ZNF626: variants seen among roughly 807,000 people sequenced by gnomAD.
ZNF626 encodes CTC-513N18.7.
In ZNF626, 4 loss-of-function variants were observed where a neutral mutation model predicts 11.7. The observed-to-expected ratio is 0.34, with a 90% CI of 0.17 to 0.78. ZNF626 has a LOEUF of 0.78. ZNF626 is among the 30% of genes least tolerant of loss of function. The pLI is 0.57. For synonymous variants in ZNF626, 179 were observed against 198.6 expected (o/e 0.90, Z 0.83); for missense variants, 588 against 587.1 (o/e 1.00, Z -0.01).
chr19:20,646,973 G>A (rs1207836750), intron 1 of ZNF626, among the ~76,000 whole-genome samples: 1 of 152,070 alleles, frequency 6.6e-6, no homozygotes, highest in African/African-American at 2.4e-5. Context: ...TCTGCCTCCT[G>A]AGTAGCTGGG....
intron 1 of ZNF626, among the ~76,000 whole-genome samples, chr19:20,655,642 G>T (rs960824124): frequency 2.0e-5 from 3 of 151,580 alleles, no homozygotes; most frequent in Non-Finnish European, 4.4e-5. Context: ...GGGAATAGCG[G>T]CCAGGCACGG....
chr19:20,623,869 TTC>T lies in ZNF626; in HGVS notation c.*419_*420del. The T allele has an allele frequency of 3.0e-6, 1 of 330,120 alleles. No homozygotes were observed. Among genetic ancestry groups the T allele is most frequent in the Non-Finnish European group, 6.0e-6 (1 of 167,326 alleles). 20.4% of individuals were successfully genotyped at this position (330,120 alleles called of 1,614,324 possible). ...CATTCTTCACACTTGTAGGGTTTCT[TTC>T]CAGTATGAATTATGTGTAATAAAGG... is the stretch of plus-strand genomic sequence containing the variant. On this transcript the variant is annotated 3_prime_UTR_variant, in exon 4 of 4. Coordinates refer to ENST00000601440, the MANE Select transcript of ZNF626 (RefSeq NM_001076675.3).
chr19:20,652,968 C>T (rs1198755106), intron 1 of ZNF626, among the ~76,000 whole-genome samples: 3 of 152,136 alleles, frequency 2.0e-5, no homozygotes, highest in African/African-American at 7.2e-5. Flanking sequence ...ATAAAAGAGT[C>T]ACTGAAAGAG....
Position 20,621,160 on chromosome 19 carries a change from C to T in ZNF626, c.*3130G>A, listed in dbSNP as rs1357139007. 3 of 145,820 alleles carry T rather than the reference C, an allele frequency of 2.1e-5. No homozygotes were observed. The highest frequency in any genetic ancestry group is 3.0e-5 in the Non-Finnish European group (2 of 66,270). 9.0% of individuals were successfully genotyped at this position (145,820 alleles called of 1,614,324 possible). On this transcript the variant is annotated 3_prime_UTR_variant, in exon 4 of 4. Coordinates refer to ENST00000601440, the MANE Select transcript of ZNF626 (RefSeq NM_001076675.3). The stretch of plus-strand genomic sequence containing the variant: ...TTCTTTCTTTTTGAGATGGAGTGTC[C>T]GTCTGTCACCCAGGCTGGAGTGCAG...
Position 20,625,345 on chromosome 19 carries a change from A to G in ZNF626, c.532T>C (p.Cys178Arg). Residue 178 changes from cysteine to arginine, a missense_variant, in exon 4 of 4, where the codon TGT becomes CGT. Cys to Arg is a radical substitution (Grantham distance 180). This residue lies in a region of ZNF626 where 524 missense variants were observed against 470.1 expected (regional missense o/e 1.11). Transcript: ENST00000601440. ...TGKKPFKYIE[C>R]GKAFKQFSTL... ...GAGAACTGCTTAAAAGCTTTGCCAC[A>G]TTCTATATATTTGAAAGGTTTTTTC... 6.2e-7 allele frequency: 1 copy of G among 1,614,006 alleles called. No individual in the cohort carries two copies. The highest frequency in any genetic ancestry group is 8.5e-7 in the Non-Finnish European group (1 of 1,179,992).
At chr19:20,631,309 G>A (rs1320317129) in intron 3 of ZNF626, among the ~76,000 whole-genome samples, 2 of 152,064 alleles carry the variant, frequency 1.3e-5, no homozygotes, top group Non-Finnish European at 2.9e-5. Flanking sequence ...GCAGAGCTGA[G>A]TTCAATTCCT....
At chr19:20,658,091 C>A (rs1970224536) in intron 1 of ZNF626, among the ~76,000 whole-genome samples, 1 of 149,524 alleles carries the variant, frequency 6.7e-6, no homozygotes, top group Non-Finnish European at 1.5e-5. Flanking sequence ...TACACCCAAC[C>A]AAAAATCAAA....
At chr19:20,631,868 A>G (rs1422902585) in intron 3 of ZNF626, among the ~76,000 whole-genome samples, 1 of 151,868 alleles carries the variant, frequency 6.6e-6, no homozygotes, top group Non-Finnish European at 1.5e-5. Context: ...TAGTTCATGC[A>G]GTTTCTTCCT....
chr19:20,631,113 G>A (rs1426627419), intron 3 of ZNF626, among the ~76,000 whole-genome samples: 1 of 152,102 alleles, frequency 6.6e-6, no homozygotes, highest in African/African-American at 2.4e-5. Context: ...CTGAGTTCTA[G>A]TTTGACTGCA....
chr19:20,620,560 T>A lies in ZNF626; in HGVS notation c.*3730A>T, dbSNP rs1969746083. On this transcript the variant is annotated 3_prime_UTR_variant, in exon 4 of 4. Transcript: ENST00000601440. ...ATTTTTCAGGACTCAGAAATGTAAT[T>A]TTTTTTCCTTTGAGGAGTCTCATCA... The A allele has an allele frequency of 6.6e-6, 1 of 152,108 alleles. No individual in the cohort carries two copies. The highest frequency in any genetic ancestry group is 1.5e-5 in the Non-Finnish European group (1 of 68,020). The allele number at this position is 152,108 out of a possible 1,614,324, so 9.4% of individuals were successfully genotyped here.
chr19:20,636,341 T>C (rs962649679), intron 3 of ZNF626, among the ~76,000 whole-genome samples: 1 of 152,064 alleles, frequency 6.6e-6, no homozygotes, highest in Middle Eastern at 3.2e-3. Context: ...TTACATACAA[T>C]TATAAACTAA....
intron 1 of ZNF626, among the ~76,000 whole-genome samples, chr19:20,659,102 A>G (rs1242968737): frequency 1.3e-5 from 2 of 152,210 alleles, no homozygotes; most frequent in African/African-American, 4.8e-5. Flanking sequence ...CAGGAACAGT[A>G]TACGGAAAGA....
At chr19:20,625,768 A>G (rs965747954) in intron 3 of ZNF626, 118 bp from the exon 4 acceptor site, 8 of 1,060,544 alleles carry the variant, frequency 7.5e-6, no homozygotes, top group African/African-American at 3.4e-5. Context: ...ACAGGAAAAT[A>G]CCACAAGCTG....
chr19:20,635,216 C>T (rs782032786), intron 3 of ZNF626, among the ~76,000 whole-genome samples: 9 of 152,088 alleles, frequency 5.9e-5, no homozygotes, highest in Non-Finnish European at 1.0e-4. Flanking sequence ...AAAAGTGCCA[C>T]GAAATTGGAT....
At chr19:20,650,246 T>TAA (rs74172355) in intron 1 of ZNF626, among the ~76,000 whole-genome samples, 36 of 144,896 alleles carry the variant, frequency 2.5e-4, no homozygotes, top group African/African-American at 6.8e-4. Flanking sequence ...TCAAATTTGT[T>TAA]AAAAAAAAAA....
At chr19:20,651,857 T>C (rs1555772609) in intron 1 of ZNF626, among the ~76,000 whole-genome samples, 1 of 152,236 alleles carries the variant, frequency 6.6e-6, no homozygotes, top group Non-Finnish European at 1.5e-5. Context: ...CAGTATCACA[T>C]TTTACAGGTA....
intron 3 of ZNF626, among the ~76,000 whole-genome samples, chr19:20,630,522 C>T (rs1202450030): frequency 1.1e-4 from 16 of 152,040 alleles, no homozygotes; most frequent in African/African-American, 3.4e-4. Context: ...ATGTATGTGT[C>T]GAGGAATTTA....
intron 3 of ZNF626, among the ~76,000 whole-genome samples, chr19:20,640,324 G>A (rs539681383): frequency 3.1e-4 from 41 of 133,930 alleles, no homozygotes; most frequent in Admixed American, 4.5e-4. Flanking sequence ...GAAAAAATAC[G>A]GGAAAAAGAC....
intron 3 of ZNF626, among the ~76,000 whole-genome samples, chr19:20,635,113 C>T (rs1170900252): frequency 1.3e-5 from 2 of 151,978 alleles, no homozygotes; most frequent in African/African-American, 4.8e-5. Flanking sequence ...TGACATTATG[C>T]AAAATAAAAT....
Sources: gnomAD v4.1 joint callset for allele counts (sites outside exome capture counted in the v4.1 genomes callset) on GRCh38, gnomAD v4.1.1 for gene constraint, gnomAD v4.1.1 regional missense constraint, MANE v1.5 for transcripts, NCBI Gene and HGNC (gene_info 2026-07-23, HGNC 2026-07-21) for gene names.